CATSPERB: variants seen among roughly 807,000 people sequenced by gnomAD.
CATSPERB encodes catsper channel auxiliary subunit beta, also known as cation channel sperm-associated auxiliary subunit beta.
In CATSPERB, 93 loss-of-function variants were observed where a neutral mutation model predicts 128.3. That is an observed-to-expected ratio of 0.72 (90% confidence interval 0.61 to 0.86). The LOEUF (loss-of-function observed/expected upper bound fraction) is 0.86, where lower values mean the gene tolerates loss of function less well. Among genes scored for constraint, CATSPERB ranks in the 40% least tolerant of loss-of-function variants. The pLI, the probability that CATSPERB is intolerant of heterozygous loss-of-function variation, is 0.00. For missense variants in CATSPERB, 1,153 were observed against 1,329.5 expected, an observed-to-expected ratio of 0.87 and a Z score of 2.06; for synonymous variants, 381 against 448.8, an observed-to-expected ratio of 0.85 and a Z score of 1.91.
chr14:91,668,532 A>C (rs1045877657), intron 14 of CATSPERB, among the ~76,000 whole-genome samples: 1 of 152,108 alleles, frequency 6.6e-6, no homozygotes, highest in African/African-American at 2.4e-5. Flanking sequence ...AAAGCTGGCC[A>C]CCCGAGCCAG....
At chr14:91,669,773 G>T in intron 14 of CATSPERB, 41 bp downstream of exon 14, 1 of 1,564,480 alleles carries the variant, frequency 6.4e-7, no homozygotes, top group Non-Finnish European at 8.7e-7. Context: ...GTAGGTGGAT[G>T]ATTTAACTCT....
At chr14:91,724,413 T>G (rs1196194843) in intron 3 of CATSPERB, among the ~76,000 whole-genome samples, 1 of 152,184 alleles carries the variant, frequency 6.6e-6, no homozygotes, top group Non-Finnish European at 1.5e-5. Flanking sequence ...ATACAAAGCT[T>G]AAATATATAT....
chr14:91,693,466 G>A lies in CATSPERB; in HGVS notation c.630C>T (p.Gly210=). Residue 210 remains glycine, a synonymous_variant, in exon 8 of 27, where the codon GGC becomes GGT. Transcript: ENST00000256343. The part of the protein sequence containing the change: ...VDTIVDGVYI[G]ITFGGFWHDY... ...CATGCCAGAATCCACCAAAGGTTATGCCTATGTAAACACCTACCATGAAAC... is the reference window on the plus strand; with the variant it reads ...CATGCCAGAATCCACCAAAGGTTATACCTATGTAAACACCTACCATGAAAC... 1 of 1,613,646 alleles carries A rather than the reference G, an allele frequency of 6.2e-7. No individual in the cohort carries two copies. Among genetic ancestry groups the A allele is most frequent in the Non-Finnish European group, 8.5e-7 (1 of 1,179,634 alleles).
chr14:91,629,515 G>A (rs181649189), intron 17 of CATSPERB, among the ~76,000 whole-genome samples: 540 of 152,246 alleles, frequency 3.5e-3, no homozygotes, highest in Non-Finnish European at 6.0e-3. Context: ...ATGTAGGTAC[G>A]TACGCTGGGT....
intron 2 of CATSPERB, among the ~76,000 whole-genome samples, chr14:91,726,870 C>T (rs2139784012): frequency 6.6e-6 from 1 of 152,224 alleles, no homozygotes; most frequent in Middle Eastern, 3.4e-3. Flanking sequence ...TCCCTTTCTA[C>T]AACGCTGGAG....
chr14:91,698,161 C>G (rs574937805), intron 7 of CATSPERB, among the ~76,000 whole-genome samples: 1 of 151,936 alleles, frequency 6.6e-6, no homozygotes, highest in South Asian at 2.1e-4. Context: ...ATTGTGCTCT[C>G]GATTTGGCTC....
At chr14:91,625,340 AC>A (rs1894139130) in intron 17 of CATSPERB, among the ~76,000 whole-genome samples, 1 of 151,998 alleles carries the variant, frequency 6.6e-6, no homozygotes, top group African/African-American at 2.4e-5. Flanking sequence ...GAGCGTGCTA[AC>A]CTTTTCCCTG....
At chr14:91,624,331 G>T (rs1019161657) in intron 18 of CATSPERB, among the ~76,000 whole-genome samples, 4 of 152,186 alleles carry the variant, frequency 2.6e-5, no homozygotes, top group African/African-American at 7.2e-5. Context: ...AAATACAAAA[G>T]AGATTAGCTG....
chr14:91,722,399 A>G (rs1896050696), intron 4 of CATSPERB, among the ~76,000 whole-genome samples: 1 of 152,234 alleles, frequency 6.6e-6, no homozygotes, highest in Admixed American at 6.5e-5. Context: ...GAAGCCAGTC[A>G]TGAACACTAC....
intron 19 of CATSPERB, among the ~76,000 whole-genome samples, chr14:91,621,124 G>C (rs1240661305): frequency 1.3e-5 from 2 of 152,212 alleles, no homozygotes; most frequent in Non-Finnish European, 2.9e-5. Context: ...AAATATGGCT[G>C]AGCGAGGTGG....
At chr14:91,673,446 C>T (rs935531250) in intron 12 of CATSPERB, among the ~76,000 whole-genome samples, 1 of 152,142 alleles carries the variant, frequency 6.6e-6, no homozygotes, top group Admixed American at 6.5e-5. Flanking sequence ...AAAGCCTTCT[C>T]CCTGGCAATA....
rs111478353 is a variant in CATSPERB at position 91,714,042 on chromosome 14, G to A, written c.370+5376C>T. On this transcript the variant is annotated intron_variant, in intron 5 of 26. Coordinates refer to ENST00000256343, the MANE Select transcript of CATSPERB (RefSeq NM_024764.4). ...TAATTTATCATATCAACAGACAATT[G>A]TAAGCAAATCCTTATAATCATCTCA... 5.5e-4 allele frequency among the ~76,000 whole-genome samples: 84 copies of A among 152,168 alleles called. 1 individual carries two copies. Among genetic ancestry groups the A allele is most frequent in the African/African-American group, 1.9e-3 (81 of 41,558 alleles).
At chr14:91,586,746 C>A (rs916513622) in intron 26 of CATSPERB, among the ~76,000 whole-genome samples, 1 of 152,166 alleles carries the variant, frequency 6.6e-6, no homozygotes, top group Non-Finnish European at 1.5e-5. Context: ...TTGGGAAAGA[C>A]TGATTCTGGT....
At chr14:91,656,567 C>T (rs1894791370) in intron 15 of CATSPERB, among the ~76,000 whole-genome samples, 1 of 151,740 alleles carries the variant, frequency 6.6e-6, no homozygotes, top group African/African-American at 2.4e-5. Flanking sequence ...ATTGCCTTCA[C>T]TAAAAGGAAG....
intron 5 of CATSPERB, among the ~76,000 whole-genome samples, chr14:91,716,044 T>C (rs1043942403): frequency 6.6e-6 from 1 of 152,140 alleles, no homozygotes; most frequent in Non-Finnish European, 1.5e-5. Context: ...ATATCAAAAG[T>C]ACCATCCATA....
intron 5 of CATSPERB, among the ~76,000 whole-genome samples, chr14:91,715,868 AT>A (rs1407490135): frequency 6.6e-6 from 1 of 152,214 alleles, no homozygotes; most frequent in Non-Finnish European, 1.5e-5. Context: ...TGGTACTGGA[AT>A]AACTGGGTAT....
Position 91,722,521 on chromosome 14 carries a change from A to G in CATSPERB, c.309+528T>C, listed in dbSNP as rs532816348. On this transcript the variant is annotated intron_variant, in intron 4 of 26. Transcript: ENST00000256343. Reference sequence around the variant, plus strand: ...GGAGGGGGGATTGGGAGTGACTGCTAATAGTTATAGATTGTCACTTTCATC... The same window carrying G: ...GGAGGGGGGATTGGGAGTGACTGCTGATAGTTATAGATTGTCACTTTCATC... 3.4e-4 allele frequency among the ~76,000 whole-genome samples: 52 copies of G among 152,132 alleles called. 1 individual carries two copies. The highest frequency in any genetic ancestry group is 2.2e-4 in the Non-Finnish European group (15 of 67,992).
At chr14:91,686,394 A>G (rs948065625) in intron 10 of CATSPERB, among the ~76,000 whole-genome samples, 3 of 152,200 alleles carry the variant, frequency 2.0e-5, no homozygotes, top group African/African-American at 7.2e-5. Context: ...ATAAATCATT[A>G]AGTATTCACA....
intron 11 of CATSPERB, among the ~76,000 whole-genome samples, chr14:91,676,473 G>A (rs939131695): frequency 1.3e-5 from 2 of 151,826 alleles, no homozygotes; most frequent in African/African-American, 4.8e-5. Context: ...GAGCTCACAT[G>A]GTTAATTTGC....
Sources: gnomAD v4.1 joint callset for allele counts (sites outside exome capture counted in the v4.1 genomes callset) on GRCh38, gnomAD v4.1.1 for gene constraint, MANE v1.5 for transcripts, NCBI Gene and HGNC (gene_info 2026-07-23, HGNC 2026-07-21) for gene names.